NOS2: variants seen among roughly 807,000 people sequenced by gnomAD.
NOS2 encodes nitric oxide synthase, inducible.
A neutral mutation model predicts 136.0 loss-of-function variants in NOS2; 96 were observed. The ratio of observed to expected loss-of-function variants is 0.71; its 90% CI spans 0.60 to 0.84. The LOEUF (loss-of-function observed/expected upper bound fraction) is 0.84. Among genes scored for constraint, NOS2 ranks in the 40% least tolerant of loss-of-function variants. NOS2 has a pLI of 0.00. For missense variants in NOS2, 1,237 were observed against 1,496.9 expected, an observed-to-expected ratio of 0.83 and a Z score of 2.87; for synonymous variants, 539 against 587.5, an observed-to-expected ratio of 0.92 and a Z score of 1.20.
In NOS2 at chr17:27,758,880, C is replaced by T; in HGVS notation, c.3354+1G>A. 1 of 1,577,696 alleles carries T rather than the reference C, an allele frequency of 6.3e-7. No individual in the cohort carries two copies. Among genetic ancestry groups the T allele is most frequent in the African/African-American group, 1.3e-5 (1 of 74,262 alleles). On this transcript the variant is annotated splice_donor_variant, in intron 26 of 26. Coordinates refer to ENST00000313735, the MANE Select transcript of NOS2 (RefSeq NM_000625.4). LOFTEE classifies it high-confidence loss of function. The stretch of plus-strand genomic sequence containing the variant: ...TTCAGCCCACACACCCACTACTATA[C>T]CTTGAGCTGAAAGAAATAGTCCTCG...
intron 7 of NOS2, 83 bp from the exon 8 acceptor site, chr17:27,781,260 C>A: frequency 6.9e-7 from 1 of 1,451,112 alleles, no homozygotes; most frequent in East Asian, 2.3e-5. Context: ...CCTCCCTCTC[C>A]ACCCTACCTG....
intron 8 of NOS2, 33 bp downstream of exon 8, chr17:27,781,003 C>A (rs775711389): frequency 1.9e-6 from 3 of 1,607,364 alleles, no homozygotes; most frequent in Non-Finnish European, 2.6e-6. Context: ...GCTCCCCGCC[C>A]CAATGGCCGG....
chr17:27,760,856 G>A, intron 23 of NOS2, 112 bp from the exon 24 acceptor site: 1 of 1,348,018 alleles, frequency 7.4e-7, no homozygotes, highest in Admixed American at 2.7e-5. Flanking sequence ...GGGTGGAGAG[G>A]ACAAGAAGCT....
rs992554212 is a variant in NOS2, at chr17:27,778,726, G to A, written c.1245C>T (p.Val415=). ...KLASLWKDQA[V]VEINIAVLHS... ...GGAGCACAGCAATGTTGATCTCAAC[G>A]ACAGCCTGGTCTTTCCAGAGCGAGG... The change falls in exon 11 of 27, where the codon GTC becomes GTT. Residue 415 remains valine, a synonymous_variant. Transcript: ENST00000313735. 5 of 1,614,004 alleles carry A rather than the reference G, an allele frequency of 3.1e-6. No homozygotes were observed. Among genetic ancestry groups the A allele is most frequent in the Non-Finnish European group, 2.5e-6 (3 of 1,180,012 alleles).
intron 21 of NOS2, 107 bp downstream of exon 21, chr17:27,763,874 A>G: frequency 1.1e-6 from 1 of 869,930 alleles, no homozygotes; most frequent in East Asian, 3.0e-5. Context: ...TCACTTTGGG[A>G]ACCTGGTGTG....
intron 12 of NOS2, 136 bp from the exon 13 acceptor site, chr17:27,773,379 C>A: frequency 1.5e-6 from 1 of 663,462 alleles, no homozygotes; most frequent in South Asian, 1.9e-5. Flanking sequence ...CCACCCCTGT[C>A]ACTGAACTCC....
chr17:27,782,500 G>T (rs1016575571), intron 6 of NOS2, among the ~76,000 whole-genome samples: 6 of 152,210 alleles, frequency 3.9e-5, no homozygotes, highest in South Asian at 2.1e-4. Context: ...AGTTCTAATC[G>T]ATTTCTCTGT....
chr17:27,772,560 G>A, intron 13 of NOS2, 108 bp from the exon 14 acceptor site: 1 of 1,312,918 alleles, frequency 7.6e-7, no homozygotes, highest in East Asian at 2.4e-5. Flanking sequence ...GGGGCAGGTT[G>A]AGGGAAAAGC....
intron 6 of NOS2, 55 bp downstream of exon 6, chr17:27,782,889 T>C: frequency 1.3e-6 from 2 of 1,575,788 alleles, no homozygotes; most frequent in Non-Finnish European, 1.7e-6. Flanking sequence ...CCAAGCCATC[T>C]GCTCAGGGCC....
intron 5 of NOS2, among the ~76,000 whole-genome samples, chr17:27,783,816 C>A (rs1217866642): frequency 2.0e-5 from 3 of 152,248 alleles, no homozygotes; most frequent in Non-Finnish European, 4.4e-5. Context: ...AGGTTCTTAA[C>A]TGTCAGCAAC....
chr17:27,782,868 G>A, intron 6 of NOS2, 76 bp downstream of exon 6: 1 of 1,431,570 alleles, frequency 7.0e-7, no homozygotes, highest in Non-Finnish European at 9.7e-7. Flanking sequence ...GCACAGCTCT[G>A]TGTGGCTGTT....
At chr17:27,781,880 GTC>G in intron 7 of NOS2, 133 bp downstream of exon 7, 1 of 760,656 alleles carries the variant, frequency 1.3e-6, no homozygotes, top group Admixed American at 2.2e-5. Context: ...AGAAGCCTGA[GTC>G]TTTCTCTTTT....
At chr17:27,760,244 CTG>C in intron 24 of NOS2, 66 bp from the exon 25 acceptor site, 1 of 1,462,642 alleles carries the variant, frequency 6.8e-7, no homozygotes, top group Non-Finnish European at 9.1e-7. Flanking sequence ...CCAAGCCCAA[CTG>C]GAATTCTCAC....
intron 15 of NOS2, among the ~76,000 whole-genome samples, chr17:27,770,558 C>G (rs1427995024): frequency 4.6e-5 from 7 of 152,140 alleles, no homozygotes. Context: ...AAAGAGCAGG[C>G]CTTGGCCAGG....
intron 26 of NOS2, among the ~76,000 whole-genome samples, chr17:27,758,601 G>C (rs1426657402): frequency 6.6e-6 from 1 of 152,142 alleles, no homozygotes; most frequent in Admixed American, 6.5e-5. Context: ...TCTGAAAGGG[G>C]GGTTTGGGGA....
At chr17:27,791,712 G>GT (rs2142526769) in intron 2 of NOS2, among the ~76,000 whole-genome samples, 1 of 147,668 alleles carries the variant, frequency 6.8e-6, no homozygotes, top group South Asian at 2.2e-4. Context: ...TCTTTAACAA[G>GT]TATCATTGAA....
intron 22 of NOS2, among the ~76,000 whole-genome samples, chr17:27,762,141 A>ACCCCG (rs1309142478): frequency 1.4e-4 from 21 of 150,192 alleles, no homozygotes; most frequent in African/African-American, 5.0e-4. Context: ...TGGCAGCGTC[A>ACCCCG]CCCCCTGCTC....
Position 27,789,706 on chromosome 17 carries a change from T to C in NOS2, c.111-18A>G. 6.3e-7 allele frequency: 1 copy of C among 1,588,218 alleles called. No homozygotes were observed. Among genetic ancestry groups the C allele is most frequent in the Non-Finnish European group, 8.6e-7 (1 of 1,156,648 alleles). On this transcript the variant is annotated intron_variant, in intron 2 of 26. Transcript: ENST00000313735. ...TCACTGGACTGTGAAAGGAAACAGC[T>C]AGCATGAGATGCGGTATCCAAGGGT...
chr17:27,795,816 C>T (rs1236513629), intron 2 of NOS2, among the ~76,000 whole-genome samples: 1 of 152,124 alleles, frequency 6.6e-6, no homozygotes, highest in Non-Finnish European at 1.5e-5. Flanking sequence ...TCCGCCAGCC[C>T]ACCCCAGCAT....
Sources: allele counts gnomAD v4.1 joint callset (sites outside exome capture counted in the v4.1 genomes callset), GRCh38; gene constraint gnomAD v4.1.1; transcripts MANE v1.5; gene names NCBI Gene and HGNC (gene_info 2026-07-23, HGNC 2026-07-21).